GREB1: variants seen among roughly 807,000 people sequenced by gnomAD.
The protein encoded by GREB1 is growth regulating estrogen receptor binding 1.
GREB1 carries 106 observed loss-of-function variants against 200.7 expected under a neutral mutation model. The ratio of observed to expected loss-of-function variants is 0.53; its 90% CI spans 0.45 to 0.62. The LOEUF (loss-of-function observed/expected upper bound fraction) is 0.62. Ranked by LOEUF, GREB1 falls within the 20% of genes least tolerant of loss-of-function variation. The probability of loss-of-function intolerance (pLI) is 0.00; values close to 1 mark genes in which losing one functional copy is unlikely to be tolerated. For missense variants in GREB1, 2,243 were observed against 2,556.8 expected, an observed-to-expected ratio of 0.88 and a Z score of 2.65; for synonymous variants, 1,132 against 1,092.4, an observed-to-expected ratio of 1.04 and a Z score of -0.72.
chr2:11,503,071 A>G (rs1193637671), intron 1 of GREB1, among the ~76,000 whole-genome samples: 1 of 152,194 alleles, frequency 6.6e-6, no homozygotes, highest in African/African-American at 2.4e-5. Context: ...CAAGGAGACC[A>G]ATGTTCTAGT....
intron 1 of GREB1, among the ~76,000 whole-genome samples, chr2:11,519,205 TTAA>T (rs1673619897): frequency 6.6e-6 from 1 of 152,130 alleles, no homozygotes; most frequent in African/African-American, 2.4e-5. Flanking sequence ...ACTTTCTCTT[TTAA>T]TCAGACTAGT....
chr2:11,607,417 C>T (rs974531527), intron 17 of GREB1, among the ~76,000 whole-genome samples: 1 of 131,680 alleles, frequency 7.6e-6, no homozygotes, highest in Non-Finnish European at 1.6e-5. Context: ...CCAATTTCAT[C>T]CAGTATATGT....
chr2:11,600,169 G>T (rs1337507956), intron 15 of GREB1, among the ~76,000 whole-genome samples: 2 of 152,192 alleles, frequency 1.3e-5, no homozygotes, highest in Non-Finnish European at 2.9e-5. Flanking sequence ...ATTATAGAAA[G>T]AGCTGTATTG....
chr2:11,501,917 TTTTTTTTTTTTTTTTTGAGATGGAG>T (rs1673056106), intron 1 of GREB1, among the ~76,000 whole-genome samples: 2 of 113,634 alleles, frequency 1.8e-5, no homozygotes, highest in African/African-American at 7.2e-5. Context: ...TTTTTTTTTT[TTTTTTTTTTTTTTTTTGAGATGGAG>T]TTTTGCTCTT....
intron 2 of GREB1, among the ~76,000 whole-genome samples, chr2:11,562,218 C>T (rs1490531973): frequency 2.0e-5 from 3 of 152,248 alleles, no homozygotes; most frequent in Non-Finnish European, 4.4e-5. Flanking sequence ...GAGCAAGCCT[C>T]AGCTTTTCCC....
chr2:11,607,993 GA>G (rs1682562335), intron 17 of GREB1, among the ~76,000 whole-genome samples: 1 of 152,124 alleles, frequency 6.6e-6, no homozygotes, highest in South Asian at 2.1e-4. Flanking sequence ...TCTGTGCACT[GA>G]AAAACATTAC....
intron 1 of GREB1, among the ~76,000 whole-genome samples, chr2:11,509,011 A>G (rs1247767409): frequency 6.7e-5 from 10 of 149,368 alleles, no homozygotes; most frequent in African/African-American, 4.9e-5. Flanking sequence ...AGTAGCTGGG[A>G]CTACAGGCGC....
At chr2:11,557,680 G>A (rs1182959566) in intron 2 of GREB1, among the ~76,000 whole-genome samples, 1 of 152,194 alleles carries the variant, frequency 6.6e-6, no homozygotes, top group African/African-American at 2.4e-5. Context: ...GCTTATTCTA[G>A]CAGGAGGCAT....
chr2:11,613,349 C>G (rs1346434034), intron 19 of GREB1, among the ~76,000 whole-genome samples: 2 of 152,196 alleles, frequency 1.3e-5, no homozygotes, highest in African/African-American at 4.8e-5. Flanking sequence ...CAAAAGATAG[C>G]AAAAGCCGAC....
chr2:11,616,172 C>T (rs966172958), intron 20 of GREB1, among the ~76,000 whole-genome samples: 1 of 152,242 alleles, frequency 6.6e-6, no homozygotes, highest in Non-Finnish European at 1.5e-5. Flanking sequence ...GAGCACTGGC[C>T]CACGTTAAAC....
Position 11,616,714 on chromosome 2 carries a change from G to A in GREB1, c.3406G>A (p.Ala1136Thr). 1 of 1,604,016 alleles carries A rather than the reference G, an allele frequency of 6.2e-7. No individual in the cohort carries two copies. The highest frequency in any genetic ancestry group is 2.2e-5 in the East Asian group (1 of 44,842). The change falls in exon 21 of 33, where the codon GCT becomes ACT. Residue 1136 changes from alanine (A) to threonine (T), a missense_variant. This residue lies in a region of GREB1 where 587 missense variants were observed against 553.1 expected (regional missense o/e 1.06). Transcript: ENST00000381486. The stretch of plus-strand genomic sequence containing the variant: ...AGCATCCTCATCCCTCTCCTCCAAG[G>A]CTTCCGGTGAGTCTTCCCACACGGG... ...DSASSSLSSKASGSALGGESS... is the reference protein window; with the variant it reads ...DSASSSLSSKTSGSALGGESS...
chr2:11,567,712 C>G (rs1677816910), intron 4 of GREB1, among the ~76,000 whole-genome samples: 1 of 152,216 alleles, frequency 6.6e-6, no homozygotes, highest in Admixed American at 6.5e-5. Context: ...CCTTGCCAAG[C>G]CTGGCTGCCT....
chr2:11,545,550 T>A (rs1445785814), intron 1 of GREB1, among the ~76,000 whole-genome samples: 3 of 152,162 alleles, frequency 2.0e-5, no homozygotes, highest in African/African-American at 7.2e-5. Context: ...ACACCATTTT[T>A]AAAAAGCAAC....
In GREB1 at chr2:11,580,991, G is replaced by A. The variant is rs753547005; in HGVS notation, c.901+159G>A. The A allele has an allele frequency of 1.5e-5, 13 of 875,868 alleles. No individual in the cohort carries two copies. The highest frequency in any genetic ancestry group is 2.1e-4 in the Middle Eastern group (1 of 4,698). 54.3% of individuals were successfully genotyped at this position (875,868 alleles called of 1,614,324 possible). A position where few individuals can be genotyped will look rare whatever the true frequency, so the allele number is the denominator to read the frequency against. On this transcript the variant is annotated intron_variant, in intron 7 of 32. Coordinates refer to ENST00000381486, the MANE Select transcript of GREB1 (RefSeq NM_014668.4). This position sits in a 1 kb window ranked among gnomAD's most constrained non-coding sequence, Gnocchi z 4.5. Reference sequence around the variant, plus strand: ...AGGACCACAGGTGCCTCCTGAGTCCGTGGGTCTGGGCCCAGGCCCTGGTGC... The same window carrying A: ...AGGACCACAGGTGCCTCCTGAGTCCATGGGTCTGGGCCCAGGCCCTGGTGC...
At chr2:11,616,590 G>A (rs374536879) in intron 20 of GREB1, 41 bp from the exon 21 acceptor site, 2 of 1,192,280 alleles carry the variant, frequency 1.7e-6, no homozygotes, top group Non-Finnish European at 2.5e-6. Context: ...TGTCAGGAAT[G>A]GTGATTTCGG....
At chr2:11,576,307 CAAAA>C (rs368045289) in intron 4 of GREB1, 42 bp from the exon 5 acceptor site, 5 of 1,189,908 alleles carry the variant, frequency 4.2e-6, no homozygotes, top group South Asian at 3.0e-5. Flanking sequence ...GACTTCATCT[CAAAA>C]AAAAAAAAAG....
chr2:11,592,908 C>G lies in GREB1; in HGVS notation c.1478C>G (p.Ala493Gly), dbSNP rs774192185. 2 of 1,589,638 alleles carry G rather than the reference C, an allele frequency of 1.3e-6. No individual in the cohort carries two copies. Among genetic ancestry groups the G allele is most frequent in the Non-Finnish European group, 1.7e-6 (2 of 1,168,216 alleles). The part of the protein sequence containing the change: ...PQPFPPAPSA[A>G]APVTSAQLPW... Reference sequence around the variant, plus strand: ...CCCTTCCCGCCCGCGCCCAGCGCCGCGGCACCCGTGACCTCCGCGCAGCTG... The same window carrying G: ...CCCTTCCCGCCCGCGCCCAGCGCCGGGGCACCCGTGACCTCCGCGCAGCTG... Residue 493 changes from alanine (A) to glycine (G), a missense_variant, in exon 11 of 33, where the codon GCG becomes GGG. Transcript: ENST00000381486.
intron 20 of GREB1, among the ~76,000 whole-genome samples, chr2:11,615,638 C>T (rs910547436): frequency 1.3e-5 from 2 of 152,220 alleles, no homozygotes; most frequent in Non-Finnish European, 2.9e-5. Context: ...CCTCGTTCCA[C>T]TCACTGGTGG....
At chr2:11,563,600 A>G (rs987923344) in intron 3 of GREB1, among the ~76,000 whole-genome samples, 1 of 152,242 alleles carries the variant, frequency 6.6e-6, no homozygotes, top group East Asian at 1.9e-4. Flanking sequence ...CGTGCAGGCC[A>G]TGCTGCTTAG....
Sources: gnomAD v4.1 joint callset for allele counts (sites outside exome capture counted in the v4.1 genomes callset) on GRCh38, gnomAD v4.1.1 for gene constraint, gnomAD v4.1.1 regional missense constraint, Gnocchi (gnomAD v3.1) non-coding constraint, MANE v1.5 for transcripts, NCBI Gene and HGNC (gene_info 2026-07-23, HGNC 2026-07-21) for gene names.